The following SEMA5A variants were observed in gnomAD, a reference collection of about 807,000 sequenced individuals.
SEMA5A encodes the protein semaphorin 5A, also known as semaphorin-5A.
SEMA5A carries 55 observed loss-of-function variants against 135.5 expected under a neutral mutation model. That is an observed-to-expected ratio of 0.41 (90% CI 0.33 to 0.51). The LOEUF (loss-of-function observed/expected upper bound fraction) is 0.51, where lower values mean the gene tolerates loss of function less well. Among genes scored for constraint, SEMA5A ranks in the 20% least tolerant of loss-of-function variants. The pLI, the probability that SEMA5A is intolerant of heterozygous loss-of-function variation, is 0.37. For synonymous variants in SEMA5A, 580 were observed against 546.5 expected, an observed-to-expected ratio of 1.06 and a Z score of -0.85; for missense variants, 1,290 against 1,419.9, an observed-to-expected ratio of 0.91 and a Z score of 1.47.
At chr5:9,053,810 A>T (rs1391221231) in intron 19 of SEMA5A, 2 of 306,428 alleles carry the variant, frequency 6.5e-6, no homozygotes, top group Non-Finnish European at 1.2e-5. Context: ...GTGTTGTAAC[A>T]TGCCATAGAT....
chr5:9,076,875 TG>T (rs1738092833), intron 16 of SEMA5A, among the ~76,000 whole-genome samples: 3 of 100,530 alleles, frequency 3.0e-5, no homozygotes, highest in Non-Finnish European at 6.3e-5. Flanking sequence ...TCTTTGTGTG[TG>T]TGTGTGTGTG....
At chr5:9,161,636 T>C (rs1743260411) in intron 11 of SEMA5A, among the ~76,000 whole-genome samples, 2 of 152,222 alleles carry the variant, frequency 1.3e-5, no homozygotes, top group African/African-American at 4.8e-5. Context: ...CTGTGGCTAA[T>C]GTACGGGACT....
intron 3 of SEMA5A, among the ~76,000 whole-genome samples, 164 bp downstream of exon 3, chr5:9,379,659 T>C (rs1479340539): frequency 2.0e-5 from 3 of 152,234 alleles, no homozygotes; most frequent in Non-Finnish European, 4.4e-5. Context: ...GATATGAAAT[T>C]CTAATGATAG....
In SEMA5A at chr5:9,396,318, C is replaced by A. The variant is rs369684528; in HGVS notation, c.-77-16295G>T. ...GCTTAACATTATTTATCTACTTTGC[C>A]TAGTTGGTTTCACCTCTAGGACATT... On this transcript the variant is annotated intron_variant, in intron 2 of 22. Coordinates refer to ENST00000382496, the MANE Select transcript of SEMA5A (RefSeq NM_003966.3). 4.2e-4 allele frequency among the ~76,000 whole-genome samples: 64 copies of A among 151,670 alleles called. 1 individual carries two copies. The South Asian group carries it at 0.01, about 24-fold the overall frequency.
chr5:9,509,077 T>G (rs1200586090), intron 1 of SEMA5A, among the ~76,000 whole-genome samples: 1 of 151,822 alleles, frequency 6.6e-6, no homozygotes, highest in Non-Finnish European at 1.5e-5. Context: ...AGGGTATGGG[T>G]GGGTACAAGG....
chr5:9,181,731 T>C (rs1274830883), intron 11 of SEMA5A, among the ~76,000 whole-genome samples: 1 of 152,132 alleles, frequency 6.6e-6, no homozygotes, highest in Non-Finnish European at 1.5e-5. Context: ...TATGTGGAGA[T>C]GGAGAGGGGG....
At chr5:9,207,827 A>C (rs1746114072) in intron 8 of SEMA5A, among the ~76,000 whole-genome samples, 1 of 152,138 alleles carries the variant, frequency 6.6e-6, no homozygotes, top group African/African-American at 2.4e-5. Flanking sequence ...TCTTTTCCTG[A>C]GGTTTCTACT....
chr5:9,350,346 T>C (rs1291436043), intron 3 of SEMA5A, among the ~76,000 whole-genome samples: 1 of 152,238 alleles, frequency 6.6e-6, no homozygotes, highest in African/African-American at 2.4e-5. Flanking sequence ...TAATAATGGG[T>C]TGACTCAGCA....
intron 16 of SEMA5A, among the ~76,000 whole-genome samples, chr5:9,071,452 ACGTT>A (rs1737765443): frequency 1.3e-5 from 2 of 152,312 alleles, no homozygotes; most frequent in East Asian, 3.9e-4. Flanking sequence ...GAACTTTGTC[ACGTT>A]TATTTTATAT....
intron 2 of SEMA5A, among the ~76,000 whole-genome samples, chr5:9,430,357 C>A (rs745856954): frequency 1.1e-4 from 16 of 152,122 alleles, no homozygotes; most frequent in Non-Finnish European, 2.1e-4. Flanking sequence ...ATAAACAATT[C>A]TGGAGCTTAG....
chr5:9,235,720 C>T (rs1747871866), intron 6 of SEMA5A, among the ~76,000 whole-genome samples: 1 of 150,002 alleles, frequency 6.7e-6, no homozygotes, highest in South Asian at 2.1e-4. Flanking sequence ...CTGAATAGTG[C>T]TTATTGATGT....
chr5:9,322,724 G>A (rs1026552296), intron 4 of SEMA5A, among the ~76,000 whole-genome samples: 24 of 151,952 alleles, frequency 1.6e-4, no homozygotes, highest in Admixed American at 1.2e-3. Flanking sequence ...GAAAGTCCTG[G>A]GATTAGAAAC....
chr5:9,156,315 C>T (rs944171518), intron 11 of SEMA5A, among the ~76,000 whole-genome samples: 62 of 152,208 alleles, frequency 4.1e-4, no homozygotes, highest in Middle Eastern at 3.4e-3. Context: ...TGGGGTACAG[C>T]GAAGAGTCAA....
intron 16 of SEMA5A, among the ~76,000 whole-genome samples, chr5:9,096,746 T>C (rs1464540718): frequency 1.3e-5 from 2 of 151,638 alleles, no homozygotes; most frequent in Admixed American, 1.3e-4. Context: ...TACAACATGA[T>C]AAAAAAAATA....
chr5:9,541,211 G>A (rs3798090), intron 1 of SEMA5A, among the ~76,000 whole-genome samples: 124,008 of 152,182 alleles, frequency 0.81, 50,614 homozygotes, highest in Middle Eastern at 0.85. Flanking sequence ...CACCCACAGA[G>A]TTGGCTTCTG....
chr5:9,182,506 G>A (rs1175041782), intron 11 of SEMA5A, among the ~76,000 whole-genome samples: 1 of 152,028 alleles, frequency 6.6e-6, no homozygotes, highest in African/African-American at 2.4e-5. Context: ...ATTCTGTACT[G>A]TATATTTGCT....
At chr5:9,186,220 G>A (rs1376344046) in intron 11 of SEMA5A, among the ~76,000 whole-genome samples, 1 of 152,146 alleles carries the variant, frequency 6.6e-6, no homozygotes, top group African/African-American at 2.4e-5. Context: ...GAGATACAGG[G>A]CAGTAGCATG....
At chr5:9,521,894 G>A (rs1439654271) in intron 1 of SEMA5A, among the ~76,000 whole-genome samples, 1 of 152,166 alleles carries the variant, frequency 6.6e-6, no homozygotes, top group African/African-American at 2.4e-5. Context: ...AGAGAGGACA[G>A]CACCTGCTCA....
At chr5:9,237,911 A>C in intron 5 of SEMA5A, 21 bp from the exon 6 acceptor site, 1 of 1,611,294 alleles carries the variant, frequency 6.2e-7, no homozygotes, top group South Asian at 1.1e-5. Context: ...CACCAAAACA[A>C]TAGCAGTCAT....
Sources: gnomAD v4.1 joint callset for allele counts (sites outside exome capture counted in the v4.1 genomes callset) on GRCh38, gnomAD v4.1.1 for gene constraint, MANE v1.5 for transcripts, NCBI Gene and HGNC (gene_info 2026-07-23, HGNC 2026-07-21) for gene names.